Variants in SEL1L3 observed in about 807,000 individuals in gnomAD.
The protein encoded by SEL1L3 is protein sel-1 homolog 3.
A neutral mutation model predicts 142.8 loss-of-function variants in SEL1L3; 76 were observed. That is an observed-to-expected ratio of 0.53 (90% CI 0.44 to 0.64). The LOEUF (loss-of-function observed/expected upper bound fraction) is 0.64, where lower values mean the gene tolerates loss of function less well. Among genes scored for constraint, SEL1L3 ranks in the 30% least tolerant of loss-of-function variants. The probability of loss-of-function intolerance (pLI) is 0.00; values close to 1 mark genes in which losing one functional copy is unlikely to be tolerated. For missense variants in SEL1L3, 1,262 were observed against 1,381.7 expected (o/e 0.91, Z 1.37); for synonymous variants, 504 against 519.6 (o/e 0.97, Z 0.41).
intron 6 of SEL1L3, among the ~76,000 whole-genome samples, chr4:25,823,493 G>C (rs1438923928): frequency 6.6e-6 from 1 of 151,984 alleles, no homozygotes; most frequent in African/African-American, 2.4e-5. Flanking sequence ...CAACCTGGGT[G>C]ACAAGAGCGA....
intron 9 of SEL1L3, among the ~76,000 whole-genome samples, chr4:25,813,312 G>A (rs1165929411): frequency 6.6e-6 from 1 of 152,172 alleles, no homozygotes; most frequent in Non-Finnish European, 1.5e-5. Flanking sequence ...AGTGTCCATC[G>A]ATGGATGAAT....
At chr4:25,829,690 A>G (rs1427076298) in intron 6 of SEL1L3, among the ~76,000 whole-genome samples, 1 of 152,270 alleles carries the variant, frequency 6.6e-6, no homozygotes, top group African/African-American at 2.4e-5. Flanking sequence ...CAGATTATAA[A>G]CATAAATATG....
Position 25,748,437 on chromosome 4 carries a change from C to T in SEL1L3, c.3387G>A (p.Glu1129=). 1.2e-6 allele frequency: 2 copies of T among 1,610,012 alleles called. No individual in the cohort carries two copies. The highest frequency in any genetic ancestry group is 1.7e-6 in the Non-Finnish European group (2 of 1,178,352). The change falls in exon 24 of 24, where the codon GAG becomes GAA. Residue 1129 remains glutamate, a synonymous_variant. Coordinates refer to ENST00000399878, the MANE Select transcript of SEL1L3 (RefSeq NM_015187.5). The part of the protein sequence containing the change: ...QDQPTVTNNP[E]PRG The stretch of plus-strand genomic sequence containing the variant: ...TGGAGTGCACAGTTCACCCACGTGG[C>T]TCCGGGTTATTAGTTACTGTGGGCT...
At chr4:25,801,050 C>T (rs545082968) in intron 11 of SEL1L3, among the ~76,000 whole-genome samples, 2 of 152,344 alleles carry the variant, frequency 1.3e-5, no homozygotes, top group South Asian at 4.1e-4. Flanking sequence ...TAAAATTCAA[C>T]AATCCTAACC....
At chr4:25,767,941 A>AT in intron 17 of SEL1L3, 111 bp from the exon 18 acceptor site, 1 of 678,360 alleles carries the variant, frequency 1.5e-6, no homozygotes, top group South Asian at 2.0e-5. Context: ...TTTTTAAAAA[A>AT]ACCACAAAAT....
chr4:25,858,046 C>T (rs566887260), intron 1 of SEL1L3, among the ~76,000 whole-genome samples: 15 of 152,366 alleles, frequency 9.8e-5, no homozygotes, highest in South Asian at 4.1e-4. Context: ...TCCTGCCCCT[C>T]GGCTCCTTTC....
At chr4:25,824,456 T>C (rs778821683) in intron 6 of SEL1L3, among the ~76,000 whole-genome samples, 1 of 152,212 alleles carries the variant, frequency 6.6e-6, no homozygotes, top group Non-Finnish European at 1.5e-5. Flanking sequence ...TGTATGGTTG[T>C]TATGAAGATG....
chr4:25,722,623 G>GTTTTTTTTTTTTT, the SEL1L3 span, among the ~76,000 whole-genome samples: 22 of 125,110 alleles, frequency 1.8e-4, no homozygotes, highest in African/African-American at 9.2e-4. Context: ...TCCAAAGGAG[G>GTTTTTTTTTTTTT]CTTTTTTTTT....
At chr4:25,846,224 G>A (rs1716499039) in intron 2 of SEL1L3, among the ~76,000 whole-genome samples, 2 of 152,340 alleles carry the variant, frequency 1.3e-5, no homozygotes, top group South Asian at 4.1e-4. Flanking sequence ...GCACATGCCT[G>A]AGATCTCCAG....
the SEL1L3 span, among the ~76,000 whole-genome samples, chr4:25,738,077 T>C: frequency 2.0e-5 from 3 of 152,248 alleles, no homozygotes; most frequent in South Asian, 2.1e-4. Flanking sequence ...TTAGTAGAGA[T>C]GGAGTTTCAC....
intron 9 of SEL1L3, among the ~76,000 whole-genome samples, chr4:25,811,929 A>T (rs534822155): frequency 6.6e-6 from 1 of 152,214 alleles, no homozygotes; most frequent in Non-Finnish European, 1.5e-5. Flanking sequence ...ATAGAAAGAT[A>T]ACATATGGAC....
intron 1 of SEL1L3, among the ~76,000 whole-genome samples, chr4:25,856,126 G>A (rs879758139): frequency 8.5e-5 from 13 of 152,078 alleles, no homozygotes; most frequent in African/African-American, 1.9e-4. Context: ...ATTCTAGACC[G>A]TTTCCATTTC....
At chr4:25,839,048 G>A (rs1428664472) in intron 2 of SEL1L3, among the ~76,000 whole-genome samples, 5 of 152,304 alleles carry the variant, frequency 3.3e-5, no homozygotes, top group Non-Finnish European at 5.9e-5. Context: ...CTACAAGTCT[G>A]TAAGCAAAAT....
At chr4:25,808,525 T>C (rs973340860) in intron 9 of SEL1L3, among the ~76,000 whole-genome samples, 4 of 152,146 alleles carry the variant, frequency 2.6e-5, no homozygotes, top group Non-Finnish European at 4.4e-5. Flanking sequence ...AGGCACCTCA[T>C]TCCCTGTGAC....
chr4:25,773,305 G>C (rs1017255740), intron 17 of SEL1L3: 1 of 152,148 alleles, frequency 6.6e-6, no homozygotes, highest in Non-Finnish European at 1.5e-5. Context: ...CTGGGTACTG[G>C]GGGTAGGATG....
intron 17 of SEL1L3, among the ~76,000 whole-genome samples, chr4:25,769,127 C>CT: frequency 6.6e-6 from 1 of 152,078 alleles, no homozygotes; most frequent in East Asian, 1.9e-4. Flanking sequence ...ATTAATAACT[C>CT]TTTTTTAATT....
At chr4:25,845,848 G>T (rs890571232) in intron 2 of SEL1L3, among the ~76,000 whole-genome samples, 5 of 152,136 alleles carry the variant, frequency 3.3e-5, no homozygotes, top group Non-Finnish European at 7.3e-5. Flanking sequence ...CTGGCTGGGG[G>T]TCGGGACACG....
At chr4:25,852,736 T>C (rs1389821972) in intron 1 of SEL1L3, among the ~76,000 whole-genome samples, 1 of 152,208 alleles carries the variant, frequency 6.6e-6, no homozygotes, top group East Asian at 1.9e-4. Context: ...CTTTGTTCTT[T>C]CCCAAAGAAC....
chr4:25,716,988 A>G, the SEL1L3 span, among the ~76,000 whole-genome samples: 7 of 152,080 alleles, frequency 4.6e-5, no homozygotes, highest in Middle Eastern at 3.4e-3. Flanking sequence ...TTAGCCGGGC[A>G]TGGTAGTGCA....
Sources: allele counts gnomAD v4.1 joint callset (sites outside exome capture counted in the v4.1 genomes callset), GRCh38; gene constraint gnomAD v4.1.1; transcripts MANE v1.5; gene names NCBI Gene and HGNC (gene_info 2026-07-23, HGNC 2026-07-21).